SGCD: variants seen among roughly 807,000 people sequenced by gnomAD.
The protein encoded by SGCD is delta-sarcoglycan.
A neutral mutation model predicts 36.6 loss-of-function variants in SGCD; 18 were observed. The ratio of observed to expected loss-of-function variants is 0.49; its 90% CI spans 0.34 to 0.73. The LOEUF (loss-of-function observed/expected upper bound fraction) is 0.73. Ranked by LOEUF, SGCD falls within the 30% of genes least tolerant of loss-of-function variation. The pLI is 0.01. For missense variants in SGCD, 387 were observed against 346.7 expected (o/e 1.12, Z -0.92); for synonymous variants, 133 against 130.6 (o/e 1.02, Z -0.12).
At chr5:156,456,535 C>T (rs527760211) in intron 3 of SGCD, among the ~76,000 whole-genome samples, 2 of 152,228 alleles carry the variant, frequency 1.3e-5, no homozygotes, top group East Asian at 3.9e-4. Flanking sequence ...GAAGAGATTT[C>T]TAAGAAAGAG....
intron 7 of SGCD, among the ~76,000 whole-genome samples, chr5:156,681,895 T>C (rs2113684541): frequency 6.6e-6 from 1 of 152,392 alleles, no homozygotes; most frequent in East Asian, 1.9e-4. Context: ...AAATGGTTTA[T>C]GTCAAATGAC....
chr5:156,508,475 C>A, intron 3 of SGCD, 126 bp from the exon 4 acceptor site: 2 of 624,618 alleles, frequency 3.2e-6, no homozygotes, highest in Non-Finnish European at 5.7e-6. Flanking sequence ...TTTTGAATAC[C>A]CGTCCTCATT....
At chr5:155,970,622 A>G (rs962619744) in intron 1 of SGCD, among the ~76,000 whole-genome samples, 1 of 152,174 alleles carries the variant, frequency 6.6e-6, no homozygotes, top group Non-Finnish European at 1.5e-5. Context: ...TGCTAATTAT[A>G]TAGATTGTCA....
At chr5:156,679,112 T>A (rs1198693740) in intron 7 of SGCD, among the ~76,000 whole-genome samples, 1 of 152,230 alleles carries the variant, frequency 6.6e-6, no homozygotes, top group Non-Finnish European at 1.5e-5. Context: ...GGATGTCAGC[T>A]GAGATTATCC....
intron 1 of SGCD, among the ~76,000 whole-genome samples, chr5:156,114,101 C>T (rs1355752395): frequency 7.2e-5 from 11 of 151,952 alleles, no homozygotes; most frequent in Admixed American, 7.2e-4. Flanking sequence ...TTGTCAAAAC[C>T]CATAGAAGGC....
intron 3 of SGCD, among the ~76,000 whole-genome samples, chr5:156,311,598 A>G (rs779990049): frequency 2.2e-5 from 3 of 136,082 alleles, no homozygotes; most frequent in Non-Finnish European, 4.9e-5. Context: ...GCAATGTCTT[A>G]GGGATCTACA....
At chr5:155,890,630 T>TAGAC (rs138546033) in intron 1 of SGCD, among the ~76,000 whole-genome samples, 64,441 of 148,204 alleles carry the variant, frequency 0.43, 15,717 homozygotes, top group African/African-American at 0.66. Context: ...GGTAAGTAGA[T>TAGAC]AGACAGATGA....
chr5:156,757,800 T>C (rs373467455), intron 8 of SGCD, 96 bp downstream of exon 8: 321 of 1,436,930 alleles, frequency 2.2e-4, no homozygotes, highest in Non-Finnish European at 2.8e-4. Flanking sequence ...TCCTACAGTG[T>C]ATCAACAAAA....
intron 3 of SGCD, among the ~76,000 whole-genome samples, chr5:156,449,399 T>C (rs1753895665): frequency 6.6e-6 from 1 of 152,108 alleles, no homozygotes; most frequent in African/African-American, 2.4e-5. Context: ...AGTAACTAGT[T>C]CACTGCCTGA....
intron 3 of SGCD, among the ~76,000 whole-genome samples, chr5:156,491,406 G>A (rs949527229): frequency 1.3e-5 from 2 of 152,042 alleles, no homozygotes; most frequent in African/African-American, 2.4e-5. Context: ...AAAGAACAAA[G>A]CTTGAGGCAT....
intron 3 of SGCD, among the ~76,000 whole-genome samples, chr5:156,362,371 C>T (rs531599989): frequency 2.6e-5 from 4 of 152,270 alleles, no homozygotes; most frequent in East Asian, 3.9e-4. Context: ...TCGAGGCTGG[C>T]ACGTGGTGGC....
chr5:156,070,191 G>A (rs1442057818), intron 1 of SGCD, among the ~76,000 whole-genome samples: 1 of 150,782 alleles, frequency 6.6e-6, no homozygotes, highest in Non-Finnish European at 1.5e-5. Flanking sequence ...GTGAGAGAGG[G>A]CATCCCTGTC....
chr5:155,850,524 A>G, the SGCD span, among the ~76,000 whole-genome samples: 4 of 152,178 alleles, frequency 2.6e-5, no homozygotes, highest in South Asian at 2.1e-4. Flanking sequence ...TGAATTGAAA[A>G]AATGATCAAA....
At chr5:155,859,223 TTTATTA>T in the SGCD span, among the ~76,000 whole-genome samples, 1 of 151,524 alleles carries the variant, frequency 6.6e-6, no homozygotes, top group Non-Finnish European at 1.5e-5. Flanking sequence ...CTGGCTAATT[TTTATTA>T]TTATTATTAT....
At chr5:155,930,937 T>A (rs931766010) in intron 1 of SGCD, among the ~76,000 whole-genome samples, 1 of 152,236 alleles carries the variant, frequency 6.6e-6, no homozygotes, top group African/African-American at 2.4e-5. Flanking sequence ...TCAGGTTTTA[T>A]GTTAAGCCTC....
In SGCD at chr5:156,344,368, G is replaced by A. The variant is rs79949502; in HGVS notation, c.4-121G>A. 11,194 of 647,072 alleles carry A rather than the reference G, an allele frequency of 0.017. 135 individuals carry two copies. Among genetic ancestry groups the A allele is most frequent in the Non-Finnish European group, 0.023 (8,880 of 389,440 alleles). 40.1% of individuals were successfully genotyped at this position (647,072 alleles called of 1,614,324 possible). A position where few individuals can be genotyped will look rare whatever the true frequency, so the allele number is the denominator to read the frequency against. On this transcript the variant is annotated intron_variant, in intron 2 of 8. Transcript: ENST00000337851. ...AACAGATTTTTAGAGTTGTCAGAGG[G>A]TATAAAAGTAGACAGCAGCCAGCCA...
At chr5:156,031,459 G>C (rs996398375) in intron 1 of SGCD, among the ~76,000 whole-genome samples, 13 of 152,092 alleles carry the variant, frequency 8.5e-5, no homozygotes, top group Admixed American at 8.5e-4. Context: ...GCATCTCATC[G>C]AATGTAAAGG....
chr5:156,557,810 G>C (rs938047929), intron 4 of SGCD, among the ~76,000 whole-genome samples: 5 of 151,784 alleles, frequency 3.3e-5, no homozygotes, highest in Non-Finnish European at 5.9e-5. Context: ...CTCTTATATT[G>C]TGGGCAGGCC....
At chr5:156,491,020 A>G (rs997827181) in intron 3 of SGCD, among the ~76,000 whole-genome samples, 2 of 152,284 alleles carry the variant, frequency 1.3e-5, no homozygotes, top group Non-Finnish European at 2.9e-5. Flanking sequence ...TTGTACAAAA[A>G]TTAGAAGTAT....
Sources: gnomAD v4.1 joint callset for allele counts (sites outside exome capture counted in the v4.1 genomes callset) on GRCh38, gnomAD v4.1.1 for gene constraint, MANE v1.5 for transcripts, NCBI Gene and HGNC (gene_info 2026-07-23, HGNC 2026-07-21) for gene names.